Variants in HTR7 observed in about 807,000 individuals in gnomAD.
The protein encoded by HTR7 is 5-hydroxytryptamine receptor 7.
Under a neutral mutation model 34.0 loss-of-function variants are expected in HTR7, and 16 were observed. The observed-to-expected ratio is 0.47, with a 90% CI of 0.32 to 0.71. The LOEUF (loss-of-function observed/expected upper bound fraction) is 0.71. Ranked by LOEUF, HTR7 falls within the 30% of genes least tolerant of loss-of-function variation. The pLI, the probability that HTR7 is intolerant of heterozygous loss-of-function variation, is 0.04. For synonymous variants in HTR7, 265 were observed against 260.2 expected, an observed-to-expected ratio of 1.02 and a Z score of -0.18; for missense variants, 504 against 625.5, an observed-to-expected ratio of 0.81 and a Z score of 2.07.
intron 1 of HTR7, among the ~76,000 whole-genome samples, chr10:90,848,172 G>T (rs771679894): frequency 6.7e-6 from 1 of 148,742 alleles, no homozygotes; most frequent in African/African-American, 2.5e-5. Flanking sequence ...GGGTTCAAGC[G>T]ATTCTCCTGC....
chr10:90,813,784 C>T (rs1589462739), intron 1 of HTR7, among the ~76,000 whole-genome samples: 3 of 152,120 alleles, frequency 2.0e-5, no homozygotes, highest in Admixed American at 6.5e-5. Flanking sequence ...ACCACATGTA[C>T]AGTAAGGAAA....
intron 1 of HTR7, among the ~76,000 whole-genome samples, chr10:90,851,802 GT>G (rs1846505044): frequency 6.6e-6 from 1 of 152,014 alleles, no homozygotes; most frequent in Non-Finnish European, 1.5e-5. Flanking sequence ...CATGGGGGTG[GT>G]TTCCCCCATA....
chr10:90,831,955 G>A (rs1049883219), intron 1 of HTR7, among the ~76,000 whole-genome samples: 1 of 152,186 alleles, frequency 6.6e-6, no homozygotes, highest in African/African-American at 2.4e-5. Context: ...AGTGCCGATT[G>A]GCGCATTCAC....
At chr10:90,758,686 G>A (rs1339768400) in intron 1 of HTR7, among the ~76,000 whole-genome samples, 2 of 151,846 alleles carry the variant, frequency 1.3e-5, no homozygotes, top group Non-Finnish European at 2.9e-5. Context: ...TAACATAGTT[G>A]GGAAAAAGCG....
chr10:90,802,584 A>C (rs1845645857), intron 1 of HTR7, among the ~76,000 whole-genome samples: 1 of 152,236 alleles, frequency 6.6e-6, no homozygotes, highest in Admixed American at 6.5e-5. Context: ...CTCTTATTCT[A>C]AGCAATTGAT....
chr10:90,774,777 A>G (rs1377233284), intron 1 of HTR7, among the ~76,000 whole-genome samples: 1 of 152,238 alleles, frequency 6.6e-6, no homozygotes, highest in East Asian at 1.9e-4. Flanking sequence ...AACCAAGACC[A>G]GCAAAACTCT....
chr10:90,821,385 A>T (rs769788659), intron 1 of HTR7, among the ~76,000 whole-genome samples: 4 of 152,202 alleles, frequency 2.6e-5, no homozygotes, highest in Admixed American at 6.5e-5. Context: ...TGTCTGTCAC[A>T]GTGAAAAGCA....
intron 2 of HTR7, among the ~76,000 whole-genome samples, chr10:90,745,968 A>G (rs1844627157): frequency 6.6e-6 from 1 of 152,226 alleles, no homozygotes; most frequent in Non-Finnish European, 1.5e-5. Flanking sequence ...CTAAAGATAC[A>G]AAGGCAAATA....
intron 1 of HTR7, among the ~76,000 whole-genome samples, chr10:90,762,723 G>C (rs1001595123): frequency 6.6e-6 from 1 of 152,114 alleles, no homozygotes; most frequent in Non-Finnish European, 1.5e-5. Context: ...TCGATATAAA[G>C]GAGCTTTTAC....
intron 1 of HTR7, among the ~76,000 whole-genome samples, chr10:90,823,970 G>T (rs994611632): frequency 6.6e-6 from 1 of 152,226 alleles, no homozygotes; most frequent in Non-Finnish European, 1.5e-5. Context: ...CTTCAGAATT[G>T]TGAGTCAATT....
chr10:90,795,843 G>C lies in HTR7; in HGVS notation c.540-46249C>G, dbSNP rs1845529732. ...AACTTGAAGCTTGCAGGGATCTGTG[G>C]GGGTTGAGGGGTGTTTCCACGTCAT... On this transcript the variant is annotated intron_variant, in intron 1 of 3. Coordinates refer to ENST00000336152, the MANE Select transcript of HTR7 (RefSeq NM_019859.4). Among the ~76,000 whole-genome samples the C allele has an allele frequency of 1.3e-5, 2 of 152,144 alleles. 1 individual carries two copies. Among genetic ancestry groups the C allele is most frequent in the South Asian group, 4.1e-4 (2 of 4,826 alleles).
At position 90,857,103 on chromosome 10, in the gene HTR7, G is replaced by A; in HGVS notation, c.539+30C>T. 1 of 1,506,122 alleles carries A rather than the reference G, an allele frequency of 6.6e-7. No homozygotes were observed. Among genetic ancestry groups the A allele is most frequent in the African/African-American group, 1.4e-5 (1 of 72,126 alleles). The allele number at this position is 1,506,122 out of a possible 1,614,324, so 93.3% of individuals were successfully genotyped here. On this transcript the variant is annotated intron_variant, in intron 1 of 3. Coordinates refer to ENST00000336152, the MANE Select transcript of HTR7 (RefSeq NM_019859.4). The surrounding 1 kb of genome is among the most constrained non-coding windows in gnomAD (Gnocchi z 6.5). ...TGAGCTGCCAGCCGGTCCCCAGCCG[G>A]AGCCTGGGACGGGGCGGTCCGGCCC...
chr10:90,856,264 GCC>G (rs1846579403), intron 1 of HTR7, among the ~76,000 whole-genome samples: 1 of 152,188 alleles, frequency 6.6e-6, no homozygotes, highest in African/African-American at 2.4e-5. Context: ...GTTGTTTTAG[GCC>G]AAAGAGGATT....
At chr10:90,847,145 C>A (rs1225534477) in intron 1 of HTR7, among the ~76,000 whole-genome samples, 1 of 152,160 alleles carries the variant, frequency 6.6e-6, no homozygotes, top group African/African-American at 2.4e-5. Flanking sequence ...AACTGTATGT[C>A]CTTGTCAAGT....
chr10:90,780,946 C>T (rs926347609), intron 1 of HTR7, among the ~76,000 whole-genome samples: 2 of 152,136 alleles, frequency 1.3e-5, no homozygotes, highest in Non-Finnish European at 2.9e-5. Context: ...ACAAAACTCC[C>T]GTGCAAGGAA....
At chr10:90,828,565 TA>T (rs1270264009) in intron 1 of HTR7, among the ~76,000 whole-genome samples, 2 of 152,016 alleles carry the variant, frequency 1.3e-5, no homozygotes, top group Non-Finnish European at 2.9e-5. Flanking sequence ...ATGAGAGGCT[TA>T]ATATGCCACT....
At chr10:90,849,938 G>A (rs185063032) in intron 1 of HTR7, among the ~76,000 whole-genome samples, 10 of 152,350 alleles carry the variant, frequency 6.6e-5, no homozygotes, top group Admixed American at 6.5e-4. Context: ...AGGGAGGCAA[G>A]CCAATATTGT....
intron 1 of HTR7, among the ~76,000 whole-genome samples, chr10:90,788,981 C>T (rs1462016246): frequency 6.6e-6 from 1 of 152,100 alleles, no homozygotes; most frequent in African/African-American, 2.4e-5. Context: ...ATCTGCACCC[C>T]ACCCCAGCTA....
chr10:90,815,239 C>T (rs1469259337), intron 1 of HTR7, among the ~76,000 whole-genome samples: 1 of 151,962 alleles, frequency 6.6e-6, no homozygotes, highest in African/African-American at 2.4e-5. Context: ...GTACAGGCGC[C>T]CACCACCTCA....
Sources: gnomAD v4.1 joint callset for allele counts (sites outside exome capture counted in the v4.1 genomes callset) on GRCh38, gnomAD v4.1.1 for gene constraint, Gnocchi (gnomAD v3.1) non-coding constraint, MANE v1.5 for transcripts, NCBI Gene and HGNC (gene_info 2026-07-23, HGNC 2026-07-21) for gene names.